COPG2: variants seen among roughly 807,000 people sequenced by gnomAD.
COPG2 encodes the protein coatomer subunit gamma-2.
A neutral mutation model predicts 46.3 loss-of-function variants in COPG2; 37 were observed. The observed-to-expected ratio is 0.80, with a 90% CI of 0.61 to 1.05. COPG2 has a LOEUF of 1.05. COPG2 is among the 50% of genes least tolerant of loss of function. The pLI is 0.00. For synonymous variants in COPG2, 159 were observed against 129.7 expected (o/e 1.23, Z -1.53); for missense variants, 427 against 387.8 (o/e 1.10, Z -0.85).
intron 1 of COPG2, among the ~76,000 whole-genome samples, chr7:130,668,179 G>A (rs1246027984): frequency 1.3e-5 from 2 of 152,112 alleles, no homozygotes; most frequent in African/African-American, 2.4e-5. Context: ...GTGACCCCAG[G>A]AAAACGATAA....
chr7:130,532,505 C>T (rs1799837987), intron 20 of COPG2, among the ~76,000 whole-genome samples: 1 of 151,754 alleles, frequency 6.6e-6, no homozygotes. Context: ...AGCGGAGGAG[C>T]CGGGTCTCAG....
Position 130,618,408 on chromosome 7 carries a change from C to T in COPG2, c.324-1343G>A, listed in dbSNP as rs1794986133. Among the ~76,000 whole-genome samples the T allele has an allele frequency of 1.3e-5, 2 of 152,130 alleles. 1 individual carries two copies. The highest frequency in any genetic ancestry group is 4.1e-4 in the South Asian group (2 of 4,832). On this transcript the variant is annotated intron_variant, in intron 5 of 23. Transcript: ENST00000425248. The stretch of plus-strand genomic sequence containing the variant: ...TGTAATTTCAATTTTTACTTATATA[C>T]TGTCCCAAAAGTTGAGGTTTTCTTT...
In COPG2 at chr7:130,619,481, T is replaced by C. The variant is rs1370615488; in HGVS notation, c.324-2416A>G. 2.6e-5 allele frequency among the ~76,000 whole-genome samples: 4 copies of C among 152,314 alleles called. No homozygotes were observed. The East Asian group carries it at 5.8e-4, about 22-fold the overall frequency. On this transcript the variant is annotated intron_variant, in intron 5 of 23. Transcript: ENST00000425248. ...AGCAAAAAAATTAATGCACGTAAGC[T>C]TTCTCCTCTCTCATCTGCCCTCCCG...
intron 12 of COPG2, among the ~76,000 whole-genome samples, chr7:130,559,575 A>G (rs1460185060): frequency 6.6e-6 from 1 of 152,080 alleles, no homozygotes; most frequent in African/African-American, 2.4e-5. Context: ...ACCTCAACTA[A>G]TGCCTGTACC....
intron 20 of COPG2, among the ~76,000 whole-genome samples, chr7:130,531,077 G>A (rs1040901563): frequency 1.4e-5 from 2 of 143,232 alleles, no homozygotes; most frequent in African/African-American, 2.6e-5. Flanking sequence ...GATGGGGTTC[G>A]GGGTGGGGTT....
At chr7:130,652,988 G>T in intron 4 of COPG2, 40 bp from the exon 5 acceptor site, 2 of 1,351,140 alleles carry the variant, frequency 1.5e-6, no homozygotes, top group Admixed American at 2.0e-5. Flanking sequence ...TTATTGATTA[G>T]GAAATGGTTT....
At chr7:130,659,434 G>A (rs1795929860) in intron 4 of COPG2, among the ~76,000 whole-genome samples, 1 of 149,462 alleles carries the variant, frequency 6.7e-6, no homozygotes, top group Non-Finnish European at 1.5e-5. Context: ...GTCTCACTGT[G>A]TACATAAACA....
intron 9 of COPG2, among the ~76,000 whole-genome samples, chr7:130,601,017 C>T (rs1284573804): frequency 2.6e-5 from 4 of 152,212 alleles, no homozygotes; most frequent in Non-Finnish European, 5.9e-5. Context: ...AATTCCCTTG[C>T]TTTGGGAGAA....
At chr7:130,648,977 C>G (rs1458401431) in intron 5 of COPG2, among the ~76,000 whole-genome samples, 1 of 152,190 alleles carries the variant, frequency 6.6e-6, no homozygotes, top group Admixed American at 6.5e-5. Flanking sequence ...ACTTCATCCT[C>G]TCTCTCTAGC....
chr7:130,650,154 C>T (rs1390760577), intron 5 of COPG2, among the ~76,000 whole-genome samples: 2 of 152,170 alleles, frequency 1.3e-5, no homozygotes, highest in Non-Finnish European at 2.9e-5. Flanking sequence ...ACATCTCTTA[C>T]TGACGCCTCT....
At chr7:130,615,455 C>T (rs1450412884) in intron 6 of COPG2, among the ~76,000 whole-genome samples, 1 of 152,154 alleles carries the variant, frequency 6.6e-6, no homozygotes, top group African/African-American at 2.4e-5. Flanking sequence ...GTTATAGATG[C>T]TAAAGGGGAA....
intron 11 of COPG2, among the ~76,000 whole-genome samples, 181 bp from the exon 12 acceptor site, chr7:130,561,402 A>G (rs1793716948): frequency 6.6e-6 from 1 of 152,244 alleles, no homozygotes; most frequent in Non-Finnish European, 1.5e-5. Context: ...ATCAACGGCC[A>G]GAGTATAGCA....
At chr7:130,512,801 C>T (rs782506275) in intron 20 of COPG2, among the ~76,000 whole-genome samples, 3 of 152,032 alleles carry the variant, frequency 2.0e-5, no homozygotes, top group Admixed American at 6.5e-5. Flanking sequence ...GTTAAGATAT[C>T]GTAGACTATT....
At chr7:130,653,339 C>T (rs868941553) in intron 4 of COPG2, among the ~76,000 whole-genome samples, 3 of 152,174 alleles carry the variant, frequency 2.0e-5, no homozygotes, top group Non-Finnish European at 4.4e-5. Context: ...CCACAACCTC[C>T]GCCTCCGGGG....
At chr7:130,584,490 A>T (rs1794225903) in intron 9 of COPG2, among the ~76,000 whole-genome samples, 1 of 152,084 alleles carries the variant, frequency 6.6e-6, no homozygotes, top group Non-Finnish European at 1.5e-5. Context: ...AATAAAGGGC[A>T]TCCAAATCGA....
intron 9 of COPG2, chr7:130,605,243 T>C (rs781798301): frequency 9.6e-6 from 5 of 520,032 alleles, no homozygotes; most frequent in Admixed American, 5.8e-5. Flanking sequence ...ATCTCTAATC[T>C]GCTGTTAAGT....
At position 130,647,009 on chromosome 7, in the gene COPG2, ATG is replaced by A. The variant is rs1795622230; in HGVS notation, c.323+5858_323+5859del. Among the ~76,000 whole-genome samples the A allele has an allele frequency of 8.0e-4, 108 of 134,780 alleles. 1 individual carries two copies. The highest frequency in any genetic ancestry group is 5.8e-3 in the South Asian group (25 of 4,286). 88.4% of individuals were successfully genotyped at this position (134,780 alleles called of 152,430 possible). On this transcript the variant is annotated intron_variant, in intron 5 of 23. Coordinates refer to ENST00000425248, the MANE Select transcript of COPG2 (RefSeq NM_012133.6). ...TATATATATATATGTGTATATATATATGTATATATATATATGTGTATATATAT... is the reference window on the plus strand; with the variant it reads ...TATATATATATATGTGTATATATATATATATATATATATGTGTATATATAT...
At chr7:130,507,586 G>GC in intron 22 of COPG2, 99 bp downstream of exon 22, 3 of 578,130 alleles carry the variant, frequency 5.2e-6, no homozygotes, top group Non-Finnish European at 6.3e-6. Context: ...GATTTATGAA[G>GC]TTTTTTTTTT....
intron 9 of COPG2, among the ~76,000 whole-genome samples, chr7:130,586,709 A>C (rs1478477531): frequency 6.6e-6 from 1 of 151,722 alleles, no homozygotes; most frequent in Non-Finnish European, 1.5e-5. Context: ...TCATCTGCCC[A>C]CCTCGGCCTC....
Sources: gnomAD v4.1 joint callset for allele counts (sites outside exome capture counted in the v4.1 genomes callset) on GRCh38, gnomAD v4.1.1 for gene constraint, MANE v1.5 for transcripts, NCBI Gene and HGNC (gene_info 2026-07-23, HGNC 2026-07-21) for gene names.